SCN1A: variants seen among roughly 807,000 people sequenced by gnomAD.
SCN1A encodes the protein sodium channel protein type 1 subunit alpha.
SCN1A carries 13 observed loss-of-function variants against 193.7 expected under a neutral mutation model. That is an observed-to-expected ratio of 0.07 (90% CI 0.04 to 0.11). The LOEUF (loss-of-function observed/expected upper bound fraction) is 0.11, where lower values mean the gene tolerates loss of function less well. Ranked by LOEUF, SCN1A falls within the 10% of genes least tolerant of loss-of-function variation. The pLI, the probability that SCN1A is intolerant of heterozygous loss-of-function variation, is 1.00. For missense variants in SCN1A, 1,432 were observed against 2,451.1 expected, an observed-to-expected ratio of 0.58 and a Z score of 8.78; for synonymous variants, 781 against 843.6, an observed-to-expected ratio of 0.93 and a Z score of 1.29.
chr2:166,005,171 C>T (rs116414139), intron 23 of SCN1A, among the ~76,000 whole-genome samples: 4,438 of 151,320 alleles, frequency 0.029, 190 homozygotes, highest in African/African-American at 0.093. Flanking sequence ...AACATATGTT[C>T]GTGAATCTTC....
At chr2:166,105,653 G>A (rs1236851579) in intron 2 of SCN1A, among the ~76,000 whole-genome samples, 4 of 152,074 alleles carry the variant, frequency 2.6e-5, no homozygotes, top group African/African-American at 9.7e-5. Context: ...TTTTTTGAAT[G>A]AATGCCTAAT....
intron 23 of SCN1A, chr2:166,007,397 T>A (rs1288231619): frequency 6.6e-6 from 1 of 151,290 alleles, no homozygotes; most frequent in Admixed American, 6.6e-5. Flanking sequence ...TGTTTCCCTA[T>A]CCATTAAGAC....
intron 2 of SCN1A, among the ~76,000 whole-genome samples, chr2:166,086,070 T>A (rs1017349401): frequency 2.0e-5 from 3 of 152,206 alleles, no homozygotes; most frequent in African/African-American, 7.2e-5. Flanking sequence ...GCCCCCTGAC[T>A]GAATTGACCT....
intron 1 of SCN1A, among the ~76,000 whole-genome samples, chr2:166,141,786 A>G (rs1320785290): frequency 2.0e-5 from 3 of 149,600 alleles, no homozygotes; most frequent in Non-Finnish European, 4.4e-5. Context: ...TTACAATTGC[A>G]TTTCCCACTT....
chr2:166,114,013 A>C (rs974120938), intron 2 of SCN1A, among the ~76,000 whole-genome samples: 3 of 152,196 alleles, frequency 2.0e-5, no homozygotes, highest in Non-Finnish European at 2.9e-5. Flanking sequence ...ACCTGTAACT[A>C]TTCATATTTG....
At chr2:166,085,223 G>T (rs11903891) in intron 2 of SCN1A, among the ~76,000 whole-genome samples, 34,446 of 151,970 alleles carry the variant, frequency 0.23, 3,975 homozygotes, top group Middle Eastern at 0.4. Context: ...ACCCTCCTTT[G>T]GTAGGATCTA....
At chr2:166,108,802 G>A (rs1688977434) in intron 2 of SCN1A, among the ~76,000 whole-genome samples, 1 of 152,100 alleles carries the variant, frequency 6.6e-6, no homozygotes, top group South Asian at 2.1e-4. Context: ...GACTGGGAGT[G>A]GGAATAGAGA....
intron 2 of SCN1A, chr2:166,123,461 C>A (rs375072687): frequency 6.6e-6 from 1 of 151,978 alleles, no homozygotes; most frequent in East Asian, 1.9e-4. Context: ...TCAAATAGTA[C>A]CTTTTCAATA....
intron 6 of SCN1A, among the ~76,000 whole-genome samples, chr2:166,055,830 T>TG (rs1351883815): frequency 6.6e-6 from 1 of 152,038 alleles, no homozygotes; most frequent in African/African-American, 2.4e-5. Flanking sequence ...GTAATGCTTC[T>TG]GGTTTCTGAA....
intron 2 of SCN1A, among the ~76,000 whole-genome samples, chr2:166,095,496 C>G (rs1687278135): frequency 6.6e-6 from 1 of 152,088 alleles, no homozygotes; most frequent in African/African-American, 2.4e-5. Flanking sequence ...GGGATTGAAA[C>G]AATAAAACTG....
intron 19 of SCN1A, among the ~76,000 whole-genome samples, chr2:166,023,919 G>A (rs1461268625): frequency 3.3e-5 from 5 of 151,830 alleles, no homozygotes; most frequent in Non-Finnish European, 7.4e-5. Context: ...GGGATTACAG[G>A]CACCTGCCAC....
At chr2:166,114,866 A>C (rs1448396481) in intron 2 of SCN1A, among the ~76,000 whole-genome samples, 2 of 152,188 alleles carry the variant, frequency 1.3e-5, no homozygotes, top group African/African-American at 2.4e-5. Flanking sequence ...AGGAAGAGAA[A>C]TGGTTTAGAG....
chr2:166,085,936 G>T (rs184856263), intron 2 of SCN1A, among the ~76,000 whole-genome samples: 4 of 152,286 alleles, frequency 2.6e-5, no homozygotes, highest in African/African-American at 9.6e-5. Context: ...GGTCTTGAAA[G>T]ATGAAAGGCA....
chr2:166,100,717 T>C (rs1687952886), intron 2 of SCN1A, among the ~76,000 whole-genome samples: 1 of 136,314 alleles, frequency 7.3e-6, no homozygotes, highest in African/African-American at 2.8e-5. Context: ...CAGACACTTC[T>C]CAAAAGAAGA....
chr2:165,996,251 A>G (rs758608997), intron 26 of SCN1A, 134 bp from the exon 27 acceptor site: 1 of 588,290 alleles, frequency 1.7e-6, no homozygotes, highest in East Asian at 3.0e-5. Context: ...TCTGGGATTT[A>G]AAATGTAAAA....
intron 17 of SCN1A, 147 bp from the exon 18 acceptor site, chr2:166,038,279 C>T (rs1248167787): frequency 3.1e-6 from 2 of 647,776 alleles, no homozygotes; most frequent in Non-Finnish European, 2.6e-6. Flanking sequence ...AATTTTTGGA[C>T]TCCCTAGGAA....
intron 21 of SCN1A, 96 bp from the exon 22 acceptor site, chr2:166,012,378 G>T: frequency 1.1e-6 from 1 of 940,926 alleles, no homozygotes; most frequent in Non-Finnish European, 1.6e-6. Flanking sequence ...CATTTCATTG[G>T]AATAGGAGGG....
intron 1 of SCN1A, among the ~76,000 whole-genome samples, chr2:166,140,386 C>T (rs1415455323): frequency 6.6e-6 from 1 of 152,036 alleles, no homozygotes; most frequent in Non-Finnish European, 1.5e-5. Flanking sequence ...AAGTAGCTGA[C>T]CGAAGATAGT....
intron 7 of SCN1A, among the ~76,000 whole-genome samples, chr2:166,053,764 CA>C (rs770741176): frequency 3.3e-5 from 5 of 151,900 alleles, no homozygotes; most frequent in South Asian, 2.1e-4. Context: ...TGTTAGAGGC[CA>C]AAAAATCAGC....
Sources: gnomAD v4.1 joint callset for allele counts (sites outside exome capture counted in the v4.1 genomes callset) on GRCh38, gnomAD v4.1.1 for gene constraint, MANE v1.5 for transcripts, NCBI Gene and HGNC (gene_info 2026-07-23, HGNC 2026-07-21) for gene names.